Variants in BCO1 observed in about 807,000 individuals in gnomAD.
The protein encoded by BCO1 is beta,beta-carotene 15,15'-dioxygenase.
BCO1 carries 54 observed loss-of-function variants against 56.3 expected under a neutral mutation model. That is an observed-to-expected ratio of 0.96 (90% confidence interval 0.77 to 1.20). The LOEUF (loss-of-function observed/expected upper bound fraction) is 1.20. BCO1 is among the 50% of genes most tolerant of loss of function. The probability of loss-of-function intolerance (pLI) is 0.00; values close to 1 mark genes in which losing one functional copy is unlikely to be tolerated. For synonymous variants in BCO1, 318 were observed against 266.1 expected (o/e 1.20, Z -1.90); for missense variants, 801 against 690.9 (o/e 1.16, Z -1.79).
intron 7 of BCO1, among the ~76,000 whole-genome samples, chr16:81,274,191 A>AACCT (rs980568329): frequency 6.6e-6 from 1 of 151,864 alleles, no homozygotes; most frequent in Non-Finnish European, 1.5e-5. Flanking sequence ...AAGATTTTAT[A>AACCT]ACCTTTTGTC....
In BCO1 at chr16:81,272,520, G is replaced by T. The variant is rs1006224099; in HGVS notation, c.1101+2104G>T. 2.0e-5 allele frequency among the ~76,000 whole-genome samples: 3 copies of T among 152,124 alleles called. No individual in the cohort carries two copies. The South Asian group carries it at 6.2e-4, about 32-fold the overall frequency. ...CATTTGCCTAATCGTTCATGGCAGG[G>T]ATTCATCACCATTTGCTTACACAAT... is the stretch of plus-strand genomic sequence containing the variant. On this transcript the variant is annotated intron_variant, in intron 7 of 10. Transcript: ENST00000258168.
chr16:81,273,855 A>G (rs1051552724), intron 7 of BCO1, among the ~76,000 whole-genome samples: 3 of 152,174 alleles, frequency 2.0e-5, no homozygotes, highest in Non-Finnish European at 4.4e-5. Flanking sequence ...TTTTAAAAGT[A>G]TTAGGCATTA....
At chr16:81,261,698 C>T (rs1906489711) in intron 3 of BCO1, among the ~76,000 whole-genome samples, 1 of 152,054 alleles carries the variant, frequency 6.6e-6, no homozygotes, top group African/African-American at 2.4e-5. Flanking sequence ...CCTCAGGTGA[C>T]CCATTGGGAC....
At chr16:81,239,403 A>C (rs1905015125) in intron 1 of BCO1, among the ~76,000 whole-genome samples, 1 of 152,204 alleles carries the variant, frequency 6.6e-6, no homozygotes, top group Non-Finnish European at 1.5e-5. Context: ...TCTGGAAAAC[A>C]GTACAGAGAG....
intron 2 of BCO1, among the ~76,000 whole-genome samples, chr16:81,247,264 C>G (rs1448491406): frequency 6.6e-6 from 1 of 152,124 alleles, no homozygotes. Context: ...GTTTCCTCAT[C>G]AGTAAAATGA....
chr16:81,240,383 G>T (rs1905056497), intron 1 of BCO1, among the ~76,000 whole-genome samples: 6 of 151,862 alleles, frequency 4.0e-5, no homozygotes, highest in Admixed American at 3.9e-4. Flanking sequence ...CAATTTGACT[G>T]TTCATCTGTA....
At chr16:81,245,771 C>T (rs1905369493) in intron 2 of BCO1, among the ~76,000 whole-genome samples, 168 bp downstream of exon 2, 1 of 151,272 alleles carries the variant, frequency 6.6e-6, no homozygotes, top group Admixed American at 6.6e-5. Context: ...GTTCTGGAGG[C>T]TCTAGGAAAA....
intron 2 of BCO1, among the ~76,000 whole-genome samples, chr16:81,252,220 TC>T (rs1320338933): frequency 6.6e-5 from 10 of 152,042 alleles, no homozygotes; most frequent in Admixed American, 5.3e-4. Context: ...TCTTTTTTTT[TC>T]TTTTCTTGTG....
intron 5 of BCO1, among the ~76,000 whole-genome samples, chr16:81,266,886 C>G (rs9937486): frequency 0.11 from 16,322 of 152,206 alleles, 1,432 homozygotes; most frequent in African/African-American, 0.24. Flanking sequence ...AAGACGATAA[C>G]TATCCCACAA....
chr16:81,261,421 C>G (rs949440466), intron 3 of BCO1, among the ~76,000 whole-genome samples: 1 of 152,126 alleles, frequency 6.6e-6, no homozygotes, highest in African/African-American at 2.4e-5. Context: ...TGGATAAATT[C>G]GAGATAACCA....
intron 5 of BCO1, 52 bp from the exon 6 acceptor site, chr16:81,267,856 G>A (rs572365034): frequency 6.5e-6 from 10 of 1,536,766 alleles, no homozygotes; most frequent in South Asian, 3.4e-5. Context: ...GTGGTCTTGG[G>A]GGGGCAGCCA....
At chr16:81,256,939 A>T (rs1402931019) in intron 2 of BCO1, among the ~76,000 whole-genome samples, 1 of 151,416 alleles carries the variant, frequency 6.6e-6, no homozygotes, top group Non-Finnish European at 1.5e-5. Context: ...GGACCCCTCA[A>T]CCCATTTCCC....
At position 81,282,753 on chromosome 16, in the gene BCO1, C is replaced by A. The variant is rs549502897; in HGVS notation, c.1207+1791C>A. On this transcript the variant is annotated intron_variant, in intron 8 of 10. Transcript: ENST00000258168. ...ACTAAAAAGTGTAACAATAAAGAAA[C>A]CACCCGTAATCCCTGCCCCCGTGAC... Among the ~76,000 whole-genome samples, 317 of 151,996 alleles carry A rather than the reference C, an allele frequency of 2.1e-3. 1 individual carries two copies. Among genetic ancestry groups the A allele is most frequent in the African/African-American group, 6.8e-3 (280 of 41,436 alleles).
At chr16:81,278,566 C>G (rs948576685) in intron 7 of BCO1, among the ~76,000 whole-genome samples, 1 of 152,202 alleles carries the variant, frequency 6.6e-6, no homozygotes, top group Non-Finnish European at 1.5e-5. Flanking sequence ...ATGCGGCAGA[C>G]AAGCTAAAAT....
chr16:81,239,768 T>C (rs780703339), intron 1 of BCO1, among the ~76,000 whole-genome samples: 1 of 152,164 alleles, frequency 6.6e-6, no homozygotes, highest in Non-Finnish European at 1.5e-5. Flanking sequence ...CCTTCTATCC[T>C]TTAGAGGCTC....
chr16:81,282,581 T>C (rs1907944512), intron 8 of BCO1, among the ~76,000 whole-genome samples: 1 of 151,934 alleles, frequency 6.6e-6, no homozygotes, highest in South Asian at 2.1e-4. Context: ...ATGCAACTCA[T>C]TCCCCTGGAG....
intron 7 of BCO1, among the ~76,000 whole-genome samples, chr16:81,274,354 C>T (rs1329644946): frequency 6.6e-6 from 1 of 151,350 alleles, no homozygotes; most frequent in Non-Finnish European, 1.5e-5. Flanking sequence ...AGCTCCGCCT[C>T]CCGGGTTCAC....
At chr16:81,239,233 T>G (rs1004915606) in intron 1 of BCO1, among the ~76,000 whole-genome samples, 1 of 151,984 alleles carries the variant, frequency 6.6e-6, no homozygotes, top group African/African-American at 2.4e-5. Context: ...GCCAGGCTGG[T>G]CTCGAACTCC....
intron 1 of BCO1, among the ~76,000 whole-genome samples, chr16:81,245,179 A>G (rs1201281078): frequency 6.6e-6 from 1 of 152,218 alleles, no homozygotes; most frequent in Non-Finnish European, 1.5e-5. Context: ...GGCGTGAGCC[A>G]ACACACAACC....
Sources: gnomAD v4.1 joint callset for allele counts (sites outside exome capture counted in the v4.1 genomes callset) on GRCh38, gnomAD v4.1.1 for gene constraint, MANE v1.5 for transcripts, NCBI Gene and HGNC (gene_info 2026-07-23, HGNC 2026-07-21) for gene names.